Variants in RADIL observed in about 807,000 individuals in gnomAD.
The protein encoded by RADIL is Rap associating with DIL domain.
RADIL carries 99 observed loss-of-function variants against 97.6 expected under a neutral mutation model. The observed-to-expected ratio is 1.01, with a 90% CI of 0.86 to 1.20. The LOEUF (loss-of-function observed/expected upper bound fraction) is 1.20. Among genes scored for constraint, RADIL ranks in the 50% most tolerant of loss-of-function variants. RADIL has a pLI of 0.00. For synonymous variants in RADIL, 803 were observed against 691.8 expected (o/e 1.16, Z -2.52); for missense variants, 1,765 against 1,498.9 (o/e 1.18, Z -2.93).
At position 4,880,295 on chromosome 7, in the gene RADIL, C is replaced by T. The variant is rs922757947; in HGVS notation, c.-64-2092G>A. Among the ~76,000 whole-genome samples, 3 of 152,164 alleles carry T rather than the reference C, an allele frequency of 2.0e-5. No homozygotes were observed. Among genetic ancestry groups the T allele is most frequent in the Non-Finnish European group, 2.9e-5 (2 of 68,040 alleles). On this transcript the variant is annotated intron_variant, in intron 1 of 14. Coordinates refer to ENST00000399583, the MANE Select transcript of RADIL (RefSeq NM_018059.5). This position sits in a 1 kb window ranked among gnomAD's most constrained non-coding sequence, Gnocchi z 4.5. Reference sequence around the variant, plus strand: ...TGTCAAATCCTAAGAAGCTCAGAGCCGGCCGCAGCTTCCCCCACGGACTCA... The same window carrying T: ...TGTCAAATCCTAAGAAGCTCAGAGCTGGCCGCAGCTTCCCCCACGGACTCA...
chr7:4,808,764 C>G, intron 9 of RADIL: 1 of 971,126 alleles, frequency 1.0e-6, no homozygotes, highest in African/African-American at 1.9e-5. Flanking sequence ...CCACTGCCCC[C>G]CGTTCCGACG....
At chr7:4,859,739 A>G in intron 2 of RADIL, 1 of 589,956 alleles carries the variant, frequency 1.7e-6, no homozygotes. Context: ...GATACCGGAA[A>G]GATCTATACT....
Position 4,817,310 on chromosome 7 carries a change from C to T in RADIL, c.1657G>A (p.Glu553Lys), listed in dbSNP as rs766776319. ...TCCTCCAGCACCGCCATGGCCTCCT[C>T]GCTGGCCGTCAGCGTGCAGGAGAAC... ...SLFSCTLTAS[E>K]EAMAVLEEVV... Residue 553 changes from glutamate to lysine, a missense_variant, in exon 7 of 15, where the codon GAG (glutamate) becomes AAG (lysine). By Grantham distance (56) the Glu-to-Lys change is moderately conservative. Coordinates refer to ENST00000399583, the MANE Select transcript of RADIL (RefSeq NM_018059.5). This position sits in a 1 kb window ranked among gnomAD's most constrained non-coding sequence, Gnocchi z 8.3. 19 of 1,612,584 alleles carry T rather than the reference C, an allele frequency of 1.2e-5. No individual in the cohort carries two copies. Among genetic ancestry groups the T allele is most frequent in the East Asian group, 4.5e-5 (2 of 44,880 alleles).
At chr7:4,799,576 C>G in intron 14 of RADIL, 54 bp downstream of exon 14, 1 of 1,608,402 alleles carries the variant, frequency 6.2e-7, no homozygotes, top group Non-Finnish European at 8.5e-7. Flanking sequence ...CAGGTCCACT[C>G]CCCTGAGCAG....
chr7:4,846,123 CTTTT>C (rs548251052), intron 2 of RADIL, among the ~76,000 whole-genome samples: 65,948 of 143,702 alleles, frequency 0.46, 14,707 homozygotes, highest in South Asian at 0.55. Flanking sequence ...CTACAATCTT[CTTTT>C]TTTTTTTTTT....
intron 5 of RADIL, among the ~76,000 whole-genome samples, chr7:4,823,452 G>A (rs1010983917): frequency 6.6e-6 from 1 of 150,656 alleles, no homozygotes; most frequent in African/African-American, 2.4e-5. Flanking sequence ...TTATAGGCAT[G>A]AGCCACCATG....
rs1479238342 is a variant in RADIL at position 4,873,365 on chromosome 7, C to T, written c.535+4240G>A. Among the ~76,000 whole-genome samples the T allele has an allele frequency of 6.6e-6, 1 of 152,194 alleles. No homozygotes were observed. The highest frequency in any genetic ancestry group is 1.5e-5 in the Non-Finnish European group (1 of 68,032). On this transcript the variant is annotated intron_variant, in intron 2 of 14. Transcript: ENST00000399583. This position sits in a 1 kb window ranked among gnomAD's most constrained non-coding sequence, Gnocchi z 4.3. Reference sequence around the variant, plus strand: ...TGCATGCACACACATGCACACCACACAGACACACACACATGGTCACACGTG... The same window carrying T: ...TGCATGCACACACATGCACACCACATAGACACACACACATGGTCACACGTG...
rs899651507 is a variant in RADIL, at chr7:4,814,982, C to T, written c.2139+296G>A. The stretch of plus-strand genomic sequence containing the variant: ...GCCACCCGGATACCCAGGTCATCTC[C>T]GAATCTCAAGGTCCTTAATCGTAGT... On this transcript the variant is annotated intron_variant, in intron 9 of 14. Transcript: ENST00000399583. The surrounding 1 kb of genome is among the most constrained non-coding windows in gnomAD (Gnocchi z 4.5). 6.6e-6 allele frequency among the ~76,000 whole-genome samples: 1 copy of T among 152,194 alleles called. No individual in the cohort carries two copies. The highest frequency in any genetic ancestry group is 2.4e-5 in the African/African-American group (1 of 41,432).
chr7:4,804,380 G>A (rs906553767), intron 10 of RADIL, among the ~76,000 whole-genome samples: 16 of 152,258 alleles, frequency 1.1e-4, no homozygotes, highest in Non-Finnish European at 5.9e-5. Flanking sequence ...GGGCTGCGGG[G>A]GGGCATCCAA....
chr7:4,798,562 C>A lies in RADIL; in HGVS notation c.*816G>T. 6.5e-6 allele frequency: 1 copy of A among 152,886 alleles called. No homozygotes were observed. Among genetic ancestry groups the A allele is most frequent in the South Asian group, 1.9e-4 (1 of 5,242 alleles). 9.5% of individuals were successfully genotyped at this position (152,886 alleles called of 1,614,324 possible). Reference sequence around the variant, plus strand: ...CACCCCGAGGCAGCAAGTGCCCTGCCCTGGTCCTGCGCATGGTCAGCCAGC... The same window carrying A: ...CACCCCGAGGCAGCAAGTGCCCTGCACTGGTCCTGCGCATGGTCAGCCAGC... On this transcript the variant is annotated 3_prime_UTR_variant, in exon 15 of 15. Transcript: ENST00000399583.
intron 2 of RADIL, among the ~76,000 whole-genome samples, chr7:4,874,979 T>C (rs542984090): frequency 3.5e-3 from 507 of 145,596 alleles, no homozygotes; most frequent in Non-Finnish European, 4.7e-3. Context: ...GATCACAAGG[T>C]CAGGAGATGG....
chr7:4,833,019 C>T (rs1274086255), intron 4 of RADIL, among the ~76,000 whole-genome samples: 1 of 152,164 alleles, frequency 6.6e-6, no homozygotes, highest in Non-Finnish European at 1.5e-5. Flanking sequence ...TCTATCAGCT[C>T]AATCTCTGGA....
chr7:4,832,504 T>C (rs1266915351), intron 4 of RADIL, among the ~76,000 whole-genome samples: 2 of 152,112 alleles, frequency 1.3e-5, no homozygotes, highest in African/African-American at 2.4e-5. Flanking sequence ...TTTGGGAGGC[T>C]GAGGCAGGCA....
chr7:4,801,436 C>T (rs530042173), intron 12 of RADIL, among the ~76,000 whole-genome samples: 207 of 152,346 alleles, frequency 1.4e-3, no homozygotes, highest in African/African-American at 4.7e-3. Context: ...GAGTATCTGC[C>T]CAAGACGTGT....
Position 4,878,115 on chromosome 7 carries a change from T to G in RADIL, c.25A>C (p.Met9Leu), listed in dbSNP as rs1784412213. MFYGTHFI[M>L]SPPTKSKLKR... ...AGTTTGCTCTTGGTGGGCGGGGACA[T>G]GATGAAGTGCGTCCCATAAAACATG... Residue 9 changes from methionine (M) to leucine (L), a missense_variant, in exon 2 of 15, where the codon ATG (methionine) becomes CTG (leucine). Physicochemically the swap from Met to Leu is conservative, Grantham distance 15 (BLOSUM62 2). Transcript: ENST00000399583. This position sits in a 1 kb window ranked among gnomAD's most constrained non-coding sequence, Gnocchi z 4.1. The G allele has an allele frequency of 6.4e-7, 1 of 1,572,294 alleles. No homozygotes were observed. Among genetic ancestry groups the G allele is most frequent in the Non-Finnish European group, 8.6e-7 (1 of 1,160,120 alleles).
In RADIL at chr7:4,817,517, G is replaced by A. The variant is rs1190052425; in HGVS notation, c.1616-166C>T. 6.6e-6 allele frequency among the ~76,000 whole-genome samples: 1 copy of A among 152,148 alleles called. No homozygotes were observed. Among genetic ancestry groups the A allele is most frequent in the African/African-American group, 2.4e-5 (1 of 41,436 alleles). ...AGGGACTCTGGGCCCTGGCTGGGAC[G>A]AGCGCAGCAAACCTGCCGCCACTCT... On this transcript the variant is annotated intron_variant, in intron 6 of 14. Transcript: ENST00000399583. The surrounding 1 kb of genome is among the most constrained non-coding windows in gnomAD (Gnocchi z 8.3).
intron 6 of RADIL, among the ~76,000 whole-genome samples, chr7:4,820,662 G>A (rs1279074213): frequency 2.6e-5 from 4 of 152,214 alleles, no homozygotes; most frequent in African/African-American, 4.8e-5. Flanking sequence ...CGGCAGGAAG[G>A]AACTCGGACA....
At chr7:4,809,199 C>T in intron 9 of RADIL, 3 of 985,332 alleles carry the variant, frequency 3.0e-6, no homozygotes, top group Non-Finnish European at 3.6e-6. Context: ...CCCGGGCTGT[C>T]ACTGCCGACT....
At chr7:4,850,041 A>C (rs1038491988) in intron 2 of RADIL, among the ~76,000 whole-genome samples, 8 of 152,080 alleles carry the variant, frequency 5.3e-5, no homozygotes, top group African/African-American at 1.9e-4. Flanking sequence ...TTTCGTCTAC[A>C]CCAAGGAATA....
Sources: allele counts gnomAD v4.1 joint callset (sites outside exome capture counted in the v4.1 genomes callset), GRCh38; gene constraint gnomAD v4.1.1; non-coding constraint Gnocchi (gnomAD v3.1); transcripts MANE v1.5; gene names NCBI Gene and HGNC (gene_info 2026-07-23, HGNC 2026-07-21).